Variants in CFAP90 observed in about 807,000 individuals in gnomAD.
The protein encoded by CFAP90 is cilia and flagella associated protein 90.
At chr5:7,834,972 C>A in the CFAP90 span, among the ~76,000 whole-genome samples, 1 of 152,150 alleles carries the variant, frequency 6.6e-6, no homozygotes, top group African/African-American at 2.4e-5. Flanking sequence ...CACACACGTA[C>A]AAGCATACCT....
the CFAP90 span, chr5:7,835,457 G>A: frequency 1.9e-6 from 3 of 1,604,062 alleles, no homozygotes; most frequent in Non-Finnish European, 1.7e-6. Context: ...CATAATCTAG[G>A]CGCCTCTTAA....
the CFAP90 span, chr5:7,831,864 T>A: frequency 6.2e-7 from 1 of 1,612,768 alleles, no homozygotes; most frequent in Non-Finnish European, 8.5e-7. Context: ...GATGGAGCAA[T>A]GTGCCCAAAG....
the CFAP90 span, chr5:7,850,806 AGCCGCCCAGCC>A: frequency 1.4e-6 from 1 of 729,290 alleles, no homozygotes; most frequent in Non-Finnish European, 1.7e-6. Flanking sequence ...CCAGCCGCCC[AGCCGCCCAGCC>A]GCCCAGCCGC....
At chr5:7,837,059 G>A in the CFAP90 span, among the ~76,000 whole-genome samples, 2 of 152,022 alleles carry the variant, frequency 1.3e-5, no homozygotes, top group African/African-American at 4.8e-5. Context: ...GGTGATAAGT[G>A]TAACACTTGG....
the CFAP90 span, among the ~76,000 whole-genome samples, chr5:7,842,249 C>T: frequency 6.6e-6 from 1 of 150,630 alleles, no homozygotes; most frequent in Non-Finnish European, 1.5e-5. Flanking sequence ...TCCTCCCTTT[C>T]AGAGTATTTA....
the CFAP90 span, among the ~76,000 whole-genome samples, chr5:7,832,666 T>C: frequency 3.3e-5 from 5 of 152,226 alleles, no homozygotes; most frequent in East Asian, 7.7e-4. Context: ...TTTTGTATTT[T>C]TAGTAGAGAC....
the CFAP90 span, among the ~76,000 whole-genome samples, chr5:7,839,314 C>T: frequency 2.9e-3 from 442 of 152,282 alleles, 3 homozygotes; most frequent in Non-Finnish European, 4.3e-3. Flanking sequence ...GGACAGCCCC[C>T]TCAGAGTGGA....
chr5:7,844,729 GATA>G, the CFAP90 span, among the ~76,000 whole-genome samples: 2 of 152,160 alleles, frequency 1.3e-5, no homozygotes, highest in African/African-American at 4.8e-5. Flanking sequence ...GAGTTGCCTA[GATA>G]ATGACAGGCA....
At chr5:7,838,625 A>G in the CFAP90 span, among the ~76,000 whole-genome samples, 2 of 152,218 alleles carry the variant, frequency 1.3e-5, no homozygotes, top group Middle Eastern at 3.4e-3. Context: ...GCCACCCCAC[A>G]TACGCCCAAT....
chr5:7,831,879 G>A, the CFAP90 span: 14,115 of 1,613,636 alleles, frequency 8.7e-3, 450 homozygotes, highest in African/African-American at 0.1. Context: ...CCAAAGCCGG[G>A]TTCCTTGAGG....
chr5:7,831,961 C>T, the CFAP90 span: 1 of 1,614,132 alleles, frequency 6.2e-7, no homozygotes, highest in Non-Finnish European at 8.5e-7. Context: ...GGTTTAGGGG[C>T]TCAATGGGCT....
chr5:7,835,049 C>T, the CFAP90 span, among the ~76,000 whole-genome samples: 11 of 152,118 alleles, frequency 7.2e-5, no homozygotes, highest in Non-Finnish European at 1.3e-4. Context: ...ATCATACAAA[C>T]GTTTTGGTGT....
the CFAP90 span, chr5:7,832,145 A>T: frequency 2.0e-6 from 2 of 1,000,626 alleles, no homozygotes; most frequent in Non-Finnish European, 2.9e-6. Context: ...CCACCATGGT[A>T]GACCAAGAGG....
At chr5:7,836,130 T>C in the CFAP90 span, among the ~76,000 whole-genome samples, 4 of 152,102 alleles carry the variant, frequency 2.6e-5, no homozygotes, top group East Asian at 3.9e-4. Flanking sequence ...AGGCCCCGCC[T>C]CCCAATACCA....
chr5:7,842,249 C>A, the CFAP90 span, among the ~76,000 whole-genome samples: 5 of 150,630 alleles, frequency 3.3e-5, no homozygotes, highest in Admixed American at 1.3e-4. Flanking sequence ...TCCTCCCTTT[C>A]AGAGTATTTA....
At chr5:7,844,035 T>A in the CFAP90 span, among the ~76,000 whole-genome samples, 1 of 152,172 alleles carries the variant, frequency 6.6e-6, no homozygotes, top group Admixed American at 6.5e-5. Context: ...GTGAAAGGTC[T>A]CCACTAGAAC....
At chr5:7,839,184 C>T in the CFAP90 span, among the ~76,000 whole-genome samples, 2 of 152,190 alleles carry the variant, frequency 1.3e-5, no homozygotes, top group African/African-American at 4.8e-5. Context: ...GAAAGACCCA[C>T]CCCAATAATT....
chr5:7,844,780 C>G, the CFAP90 span, among the ~76,000 whole-genome samples: 1 of 152,218 alleles, frequency 6.6e-6, no homozygotes, highest in South Asian at 2.1e-4. Context: ...CCCCACACAG[C>G]CCCCTTGGAG....
the CFAP90 span, among the ~76,000 whole-genome samples, chr5:7,845,852 G>A: frequency 6.6e-6 from 1 of 151,754 alleles, no homozygotes; most frequent in South Asian, 2.1e-4. Context: ...CTTTAAATAA[G>A]TGTGCAGCCT....
Sources: allele counts gnomAD v4.1 joint callset (sites outside exome capture counted in the v4.1 genomes callset), GRCh38; gene constraint gnomAD v4.1.1; transcripts MANE v1.5; gene names NCBI Gene and HGNC (gene_info 2026-07-23, HGNC 2026-07-21).